Variants in GPRIN3 observed in about 807,000 individuals in gnomAD.
GPRIN3 encodes G protein-regulated inducer of neurite outgrowth 3.
GPRIN3 carries 12 observed loss-of-function variants against 13.7 expected under a neutral mutation model. The ratio of observed to expected loss-of-function variants is 0.87; its 90% CI spans 0.56 to 1.42. The LOEUF is 1.42. Among genes scored for constraint, GPRIN3 ranks in the 40% most tolerant of loss-of-function variants. GPRIN3 has a pLI of 0.00. For missense variants in GPRIN3, 1,009 were observed against 958.7 expected (o/e 1.05, Z -0.69); for synonymous variants, 377 against 372.7 (o/e 1.01, Z -0.13).
At chr4:89,257,619 A>G (rs1561192615) in intron 1 of GPRIN3, among the ~76,000 whole-genome samples, 1 of 152,206 alleles carries the variant, frequency 6.6e-6, no homozygotes, top group Non-Finnish European at 1.5e-5. Flanking sequence ...AGTTGTGCAG[A>G]CCGAATTTAA....
intron 1 of GPRIN3, among the ~76,000 whole-genome samples, chr4:89,294,056 T>C (rs1400396166): frequency 1.3e-5 from 2 of 152,198 alleles, no homozygotes; most frequent in Non-Finnish European, 2.9e-5. Context: ...TTTTACACAA[T>C]TCCTCTCAAA....
chr4:89,255,086 G>A (rs1723431757), intron 1 of GPRIN3, among the ~76,000 whole-genome samples: 1 of 152,156 alleles, frequency 6.6e-6, no homozygotes, highest in Non-Finnish European at 1.5e-5. Flanking sequence ...TGCTCTAAGA[G>A]TACTGACAGT....
intron 1 of GPRIN3, among the ~76,000 whole-genome samples, chr4:89,294,043 C>G (rs1297087078): frequency 6.6e-6 from 1 of 152,106 alleles, no homozygotes. Flanking sequence ...TTGGAATATG[C>G]TCTTTTACAC....
rs1458266289 is a variant in GPRIN3 at position 89,306,548 on chromosome 4, A to T, written c.-124+1067T>A. On this transcript the variant is annotated intron_variant, in intron 1 of 1. Coordinates refer to ENST00000609438, the MANE Select transcript of GPRIN3 (RefSeq NM_198281.3). ...ACATAGTCCAATGGATCTTTAAACA[A>T]ATGTGTTGTGAAAATATTTAGATGG... Among the ~76,000 whole-genome samples the T allele has an allele frequency of 3.3e-5, 5 of 152,136 alleles. No homozygotes were observed. The East Asian group carries it at 9.6e-4, about 29-fold the overall frequency.
At chr4:89,262,516 G>A (rs897970286) in intron 1 of GPRIN3, among the ~76,000 whole-genome samples, 9 of 152,304 alleles carry the variant, frequency 5.9e-5, no homozygotes, top group African/African-American at 9.6e-5. Context: ...AAGCATGCAC[G>A]CTGACGTTTC....
At chr4:89,267,901 T>C (rs1370622674) in intron 1 of GPRIN3, among the ~76,000 whole-genome samples, 1 of 152,184 alleles carries the variant, frequency 6.6e-6, no homozygotes, top group Non-Finnish European at 1.5e-5. Context: ...AGTATATTCA[T>C]AAGCAGAGGT....
intron 1 of GPRIN3, among the ~76,000 whole-genome samples, chr4:89,275,774 C>T (rs183947523): frequency 1.3e-5 from 2 of 152,294 alleles, no homozygotes; most frequent in Non-Finnish European, 2.9e-5. Flanking sequence ...GCCTCCTTGT[C>T]CACATCACCA....
chr4:89,265,141 T>C (rs949604476), intron 1 of GPRIN3, among the ~76,000 whole-genome samples: 1 of 152,186 alleles, frequency 6.6e-6, no homozygotes, highest in Non-Finnish European at 1.5e-5. Context: ...TAATCATACA[T>C]CCTGGGTGTT....
At chr4:89,263,826 A>G (rs1723709812) in intron 1 of GPRIN3, among the ~76,000 whole-genome samples, 1 of 152,240 alleles carries the variant, frequency 6.6e-6, no homozygotes. Flanking sequence ...TTTACTAAGT[A>G]GCAGAGTTGA....
chr4:89,297,528 T>C (rs778788941), intron 1 of GPRIN3, among the ~76,000 whole-genome samples: 1 of 152,202 alleles, frequency 6.6e-6, no homozygotes, highest in Non-Finnish European at 1.5e-5. Context: ...TCTTTTCTTT[T>C]ATTTCCCCTA....
At chr4:89,296,874 T>C (rs1422527760) in intron 1 of GPRIN3, among the ~76,000 whole-genome samples, 1 of 152,252 alleles carries the variant, frequency 6.6e-6, no homozygotes, top group Non-Finnish European at 1.5e-5. Context: ...CTGTGTTTTT[T>C]TAAATGTCTT....
At chr4:89,265,063 G>A (rs1044185674) in intron 1 of GPRIN3, among the ~76,000 whole-genome samples, 1 of 152,074 alleles carries the variant, frequency 6.6e-6, no homozygotes, top group African/African-American at 2.4e-5. Flanking sequence ...AGTTTTTATG[G>A]TTTTCAGTTA....
chr4:89,306,128 A>G (rs746518965), intron 1 of GPRIN3, among the ~76,000 whole-genome samples: 24 of 152,178 alleles, frequency 1.6e-4, no homozygotes, highest in Non-Finnish European at 2.8e-4. Context: ...GAAAAACTAA[A>G]CACACACAAA....
rs1052390714 is a variant in GPRIN3, at chr4:89,280,990, C to T, written c.-124+26625G>A. On this transcript the variant is annotated intron_variant, in intron 1 of 1. Coordinates refer to ENST00000609438, the MANE Select transcript of GPRIN3 (RefSeq NM_198281.3). ...ACAGTTCTTCAGGCTTTATGGGAAG[C>T]GTGGTGCTGGCATCCGCTATGTTTC... Among the ~76,000 whole-genome samples the T allele has an allele frequency of 5.9e-5, 9 of 152,020 alleles. No homozygotes were observed. The East Asian group carries it at 7.7e-4, about 13-fold the overall frequency.
At chr4:89,281,404 G>T (rs2149278975) in intron 1 of GPRIN3, among the ~76,000 whole-genome samples, 1 of 152,300 alleles carries the variant, frequency 6.6e-6, no homozygotes, top group East Asian at 1.9e-4. Flanking sequence ...TTACAGGTGT[G>T]AGCCACCGCA....
Position 89,270,579 on chromosome 4 carries a change from A to ATATATATAT in GPRIN3, c.-123-20355_-123-20347dup, listed in dbSNP as rs1553951352. Among the ~76,000 whole-genome samples, 106 of 101,056 alleles carry ATATATATAT rather than the reference A, an allele frequency of 1.0e-3. 1 individual carries two copies. Among genetic ancestry groups the ATATATATAT allele is most frequent in the African/African-American group, 4.9e-3 (87 of 17,880 alleles). 66.3% of individuals were successfully genotyped at this position (101,056 alleles called of 152,430 possible). Reference sequence around the variant, plus strand: ...ATGTATATAATTTATATATATATATATATATATATATATATATATATAAAA... The same window carrying ATATATATAT: ...ATGTATATAATTTATATATATATATATATATATATTATATATATATATATATATATAAAA... On this transcript the variant is annotated intron_variant, in intron 1 of 1. Coordinates refer to ENST00000609438, the MANE Select transcript of GPRIN3 (RefSeq NM_198281.3).
chr4:89,302,904 A>C (rs7663112), intron 1 of GPRIN3, among the ~76,000 whole-genome samples: 4,877 of 152,084 alleles, frequency 0.032, 268 homozygotes, highest in African/African-American at 0.11. Context: ...TTGCATTCCA[A>C]ATCAACTAAT....
intron 1 of GPRIN3, among the ~76,000 whole-genome samples, chr4:89,303,580 A>T (rs903637631): frequency 1.3e-5 from 2 of 152,142 alleles, no homozygotes; most frequent in Non-Finnish European, 2.9e-5. Flanking sequence ...AAGGTCAAAT[A>T]TACAGAGCTA....
chr4:89,274,208 A>C (rs1454421869), intron 1 of GPRIN3, among the ~76,000 whole-genome samples: 1 of 152,212 alleles, frequency 6.6e-6, no homozygotes, highest in African/African-American at 2.4e-5. Flanking sequence ...AAGACAAAAT[A>C]ACCCCGAAGT....
Sources: allele counts gnomAD v4.1 joint callset (sites outside exome capture counted in the v4.1 genomes callset), GRCh38; gene constraint gnomAD v4.1.1; transcripts MANE v1.5; gene names NCBI Gene and HGNC (gene_info 2026-07-23, HGNC 2026-07-21).